Variants in AKAP19 observed in about 807,000 individuals in gnomAD.
AKAP19 encodes the protein A-kinase anchoring protein 19.
the AKAP19 span, chr2:190,200,669 A>C: frequency 5.9e-6 from 1 of 169,190 alleles, no homozygotes; most frequent in Admixed American, 6.3e-5. Flanking sequence ...GTCTTTAATA[A>C]GATAAGATAT....
the AKAP19 span, among the ~76,000 whole-genome samples, chr2:189,891,870 G>A: frequency 6.6e-6 from 1 of 152,022 alleles, no homozygotes; most frequent in African/African-American, 2.4e-5. Context: ...CAGGTACACT[G>A]ATCAAATGTA....
At chr2:190,003,666 C>T in the AKAP19 span, among the ~76,000 whole-genome samples, 1,735 of 152,202 alleles carry the variant, frequency 0.011, 32 homozygotes, top group African/African-American at 0.04. Context: ...GGGTTCAAGA[C>T]CAGCCTGTCC....
chr2:190,183,060 C>T, the AKAP19 span, among the ~76,000 whole-genome samples: 2 of 152,174 alleles, frequency 1.3e-5, no homozygotes, highest in South Asian at 4.1e-4. Flanking sequence ...TAGGACAAGT[C>T]CTTTTACTGT....
the AKAP19 span, among the ~76,000 whole-genome samples, chr2:190,125,045 C>A: frequency 6.6e-6 from 1 of 152,112 alleles, no homozygotes; most frequent in Admixed American, 6.6e-5. Context: ...TCTCCTCTGA[C>A]AACATGCCTG....
At chr2:190,076,151 A>G in the AKAP19 span, among the ~76,000 whole-genome samples, 12 of 152,156 alleles carry the variant, frequency 7.9e-5, no homozygotes, top group African/African-American at 2.7e-4. Context: ...GCATATATCT[A>G]TATTTTCCAG....
At chr2:189,930,114 A>G in the AKAP19 span, among the ~76,000 whole-genome samples, 1 of 152,166 alleles carries the variant, frequency 6.6e-6, no homozygotes, top group Non-Finnish European at 1.5e-5. Context: ...AATATCATGT[A>G]CTTTCCCCCA....
chr2:189,955,030 T>TA, the AKAP19 span, among the ~76,000 whole-genome samples: 1 of 152,226 alleles, frequency 6.6e-6, no homozygotes, highest in Non-Finnish European at 1.5e-5. Context: ...GCTGGGCTTT[T>TA]AGTGTACTCA....
chr2:190,065,392 G>T, the AKAP19 span, among the ~76,000 whole-genome samples: 1 of 152,064 alleles, frequency 6.6e-6, no homozygotes, highest in African/African-American at 2.4e-5. Context: ...ACACAACAGT[G>T]TGAATGTGCT....
the AKAP19 span, among the ~76,000 whole-genome samples, chr2:190,161,734 T>C: frequency 3.4e-4 from 52 of 152,270 alleles, no homozygotes; most frequent in Non-Finnish European, 6.6e-4. Context: ...TATTTGCCAG[T>C]TCATTAAATA....
At chr2:190,047,649 G>T in the AKAP19 span, among the ~76,000 whole-genome samples, 30 of 152,316 alleles carry the variant, frequency 2.0e-4, no homozygotes, top group East Asian at 5.6e-3. Context: ...GGTGAAGTCT[G>T]ATAGAACACA....
chr2:189,945,732 C>T, the AKAP19 span, among the ~76,000 whole-genome samples: 1 of 152,116 alleles, frequency 6.6e-6, no homozygotes, highest in East Asian at 1.9e-4. Context: ...TTAAGTACTT[C>T]CAGGGGTCCT....
At chr2:190,195,948 T>C in the AKAP19 span, among the ~76,000 whole-genome samples, 7 of 150,270 alleles carry the variant, frequency 4.7e-5, no homozygotes, top group Middle Eastern at 3.4e-3. Flanking sequence ...CAGCTTTTTT[T>C]TTTTTTTTTT....
chr2:190,141,271 A>G, the AKAP19 span, among the ~76,000 whole-genome samples: 2 of 151,498 alleles, frequency 1.3e-5, no homozygotes, highest in African/African-American at 4.9e-5. Context: ...AACTGTTCCA[A>G]CCTCTGCCTG....
the AKAP19 span, among the ~76,000 whole-genome samples, chr2:189,905,538 T>A: frequency 6.6e-6 from 1 of 152,012 alleles, no homozygotes; most frequent in Non-Finnish European, 1.5e-5. Context: ...TTTATCCTTT[T>A]GTCTTCAAGG....
chr2:189,890,138 T>A, the AKAP19 span, among the ~76,000 whole-genome samples: 4 of 152,186 alleles, frequency 2.6e-5, no homozygotes, highest in Admixed American at 2.6e-4. Context: ...TTGTTCTCAT[T>A]GTTCAAAGAA....
the AKAP19 span, among the ~76,000 whole-genome samples, chr2:190,172,079 A>G: frequency 6.6e-6 from 1 of 152,160 alleles, no homozygotes; most frequent in East Asian, 1.9e-4. Flanking sequence ...TTATTCTCTC[A>G]TAGACTCATT....
chr2:190,175,296 G>A, the AKAP19 span, among the ~76,000 whole-genome samples: 5 of 152,156 alleles, frequency 3.3e-5, no homozygotes, highest in African/African-American at 1.2e-4. Flanking sequence ...ATGCACATCA[G>A]TAAACTTAAA....
At chr2:190,037,557 G>A in the AKAP19 span, among the ~76,000 whole-genome samples, 2 of 152,208 alleles carry the variant, frequency 1.3e-5, no homozygotes, top group African/African-American at 4.8e-5. Flanking sequence ...TCCATAGCCA[G>A]GGTAGGAGTA....
chr2:190,199,902 C>CATATATGAAGGTGAG, the AKAP19 span: 1 of 1,613,994 alleles, frequency 6.2e-7, no homozygotes, highest in Non-Finnish European at 8.5e-7. Context: ...CATTTCCTAC[C>CATATATGAAGGTGAG]ATATATGAAG....
Sources: allele counts gnomAD v4.1 joint callset (sites outside exome capture counted in the v4.1 genomes callset), GRCh38; gene constraint gnomAD v4.1.1; transcripts MANE v1.5; gene names NCBI Gene and HGNC (gene_info 2026-07-23, HGNC 2026-07-21).